The following STAM variants were observed in gnomAD, a reference collection of about 807,000 sequenced individuals.
The protein encoded by STAM is signal transducing adaptor molecule.
Under a neutral mutation model 63.4 loss-of-function variants are expected in STAM, and 16 were observed. The observed-to-expected ratio is 0.25, with a 90% CI of 0.17 to 0.38. STAM has a LOEUF of 0.38. STAM is among the 10% of genes least tolerant of loss of function. STAM has a pLI of 1.00. For missense variants in STAM, 636 were observed against 657.1 expected (o/e 0.97, Z 0.35); for synonymous variants, 238 against 223.9 (o/e 1.06, Z -0.56).
intron 2 of STAM, among the ~76,000 whole-genome samples, chr10:17,667,980 A>G (rs1318258474): frequency 3.3e-5 from 5 of 152,212 alleles, no homozygotes. Flanking sequence ...GGAAGGTAGG[A>G]TCCTTTAAAT....
chr10:17,705,113 A>G, intron 11 of STAM, 89 bp downstream of exon 11: 1 of 1,087,148 alleles, frequency 9.2e-7, no homozygotes, highest in Non-Finnish European at 1.4e-6. Context: ...GCCTTTTAAA[A>G]AAAAAATATT....
At chr10:17,674,761 GA>G (rs767640990) in intron 2 of STAM, among the ~76,000 whole-genome samples, 2 of 152,142 alleles carry the variant, frequency 1.3e-5, no homozygotes, top group Non-Finnish European at 2.9e-5. Flanking sequence ...CATGTCAAAG[GA>G]ATTATTATCA....
chr10:17,705,252 T>G (rs1459020403), intron 11 of STAM, among the ~76,000 whole-genome samples: 3 of 152,158 alleles, frequency 2.0e-5, no homozygotes, highest in Admixed American at 2.0e-4. Context: ...CGTAGATAGG[T>G]CGTTTTAAAA....
chr10:17,693,401 A>G (rs372479341), intron 6 of STAM, 89 bp downstream of exon 6: 155 of 1,122,762 alleles, frequency 1.4e-4, no homozygotes, highest in African/African-American at 3.9e-4. Context: ...AGAACTTTAT[A>G]GCAAAAAGCT....
chr10:17,669,071 A>G (rs1554823745), intron 2 of STAM, among the ~76,000 whole-genome samples: 1 of 152,202 alleles, frequency 6.6e-6, no homozygotes, highest in Non-Finnish European at 1.5e-5. Context: ...TGTTTTTTAC[A>G]TTCAAGTCTT....
At chr10:17,666,747 T>C (rs1834404355) in intron 2 of STAM, among the ~76,000 whole-genome samples, 1 of 152,160 alleles carries the variant, frequency 6.6e-6, no homozygotes, top group African/African-American at 2.4e-5. Context: ...ATTTCCGGCC[T>C]TCAGTAGGAA....
Position 17,708,800 on chromosome 10 carries a change from G to C in STAM, c.1234G>C (p.Gly412Arg), listed in dbSNP as rs782534017. 1 of 1,613,712 alleles carries C rather than the reference G, an allele frequency of 6.2e-7. No individual in the cohort carries two copies. Reference protein sequence around the residue: ...SQVYAGPPPSGAYLVAGNAQM... With the variant: ...SQVYAGPPPSRAYLVAGNAQM... The stretch of plus-strand genomic sequence containing the variant: ...GGTGTATGCAGGGCCTCCTCCAAGT[G>C]GTGCCTACCTGGTTGCAGGGAACGC... Residue 412 changes from glycine (G) to arginine (R), a missense_variant, in exon 13 of 14, where the codon GGT (glycine) becomes CGT (arginine). Physicochemically the swap from Gly to Arg is moderately radical, Grantham distance 125 (BLOSUM62 -2). Around this residue, in one of 3 missense-constraint regions of STAM, gnomAD observed 532 missense variants for 536.9 expected, o/e 0.99. Transcript: ENST00000377524.
chr10:17,668,199 G>A (rs1834477259), intron 2 of STAM, among the ~76,000 whole-genome samples: 1 of 152,112 alleles, frequency 6.6e-6, no homozygotes, highest in Admixed American at 6.6e-5. Context: ...ACAGGTGAAG[G>A]GGCATTTGAG....
intron 4 of STAM, 146 bp downstream of exon 4, chr10:17,685,073 G>T: frequency 1.7e-6 from 1 of 583,668 alleles, no homozygotes. Flanking sequence ...TAAATATTAT[G>T]TTTTGTTGAA....
chr10:17,645,267 A>G (rs1249870761), intron 1 of STAM, among the ~76,000 whole-genome samples: 2 of 152,212 alleles, frequency 1.3e-5, no homozygotes, highest in Non-Finnish European at 2.9e-5. Context: ...GCCAAATACC[A>G]TTTCCAAATC....
In STAM at chr10:17,708,972, T is replaced by C. The variant is rs782507726; in HGVS notation, c.1385+21T>C. On this transcript the variant is annotated intron_variant, in intron 13 of 13. Coordinates refer to ENST00000377524, the MANE Select transcript of STAM (RefSeq NM_003473.4). ...CCAAAGTAATTTTACTGTTGATTCT[T>C]GTTTGGAGTTAGTGCTGTTACAGCT... is the stretch of plus-strand genomic sequence containing the variant. 4 of 1,609,944 alleles carry C rather than the reference T, an allele frequency of 2.5e-6. No individual in the cohort carries two copies. In the South Asian group the frequency reaches 4.4e-5, roughly 18 times the overall value.
chr10:17,671,849 A>G, intron 2 of STAM, among the ~76,000 whole-genome samples: 1 of 152,194 alleles, frequency 6.6e-6, no homozygotes, highest in East Asian at 1.9e-4. Context: ...AAGAGGTGAT[A>G]TCCTCATTTT....
chr10:17,685,420 G>C (rs1326845165), intron 4 of STAM, among the ~76,000 whole-genome samples: 1 of 152,188 alleles, frequency 6.6e-6, no homozygotes, highest in Non-Finnish European at 1.5e-5. Context: ...GGTGGCGGGG[G>C]AGTTTCCACA....
chr10:17,699,187 AG>A (rs1180017717), intron 8 of STAM, among the ~76,000 whole-genome samples: 1 of 152,186 alleles, frequency 6.6e-6, no homozygotes, highest in East Asian at 1.9e-4. Flanking sequence ...CTTTTACAAA[AG>A]TTTTTAATCT....
At chr10:17,705,093 G>A (rs1443207295) in intron 11 of STAM, 69 bp downstream of exon 11, 10 of 1,338,686 alleles carry the variant, frequency 7.5e-6, no homozygotes, top group Non-Finnish European at 1.1e-5. Flanking sequence ...CTGCAAAGTG[G>A]GCTATAACTG....
At chr10:17,706,817 A>G (rs183952481) in intron 12 of STAM, among the ~76,000 whole-genome samples, 40 of 152,342 alleles carry the variant, frequency 2.6e-4, no homozygotes, top group African/African-American at 9.1e-4. Context: ...AAAAACACAA[A>G]ATGCTTTTAG....
At chr10:17,688,621 C>T (rs1257357757) in intron 5 of STAM, among the ~76,000 whole-genome samples, 1 of 151,010 alleles carries the variant, frequency 6.6e-6, no homozygotes, top group Non-Finnish European at 1.5e-5. Flanking sequence ...TGCAGCCAGA[C>T]CTGGAAATTT....
intron 9 of STAM, among the ~76,000 whole-genome samples, chr10:17,701,148 G>C (rs1186076750): frequency 3.3e-5 from 5 of 152,086 alleles, no homozygotes; most frequent in African/African-American, 9.7e-5. Context: ...ATTTAAATTT[G>C]AGATTTCTTG....
intron 2 of STAM, among the ~76,000 whole-genome samples, chr10:17,667,287 C>T (rs1008370681): frequency 2.6e-5 from 4 of 152,004 alleles, no homozygotes; most frequent in Non-Finnish European, 2.9e-5. Context: ...CCACCATGCC[C>T]GGCTATTTTG....
Sources: gnomAD v4.1 joint callset for allele counts (sites outside exome capture counted in the v4.1 genomes callset) on GRCh38, gnomAD v4.1.1 for gene constraint, gnomAD v4.1.1 regional missense constraint, MANE v1.5 for transcripts, NCBI Gene and HGNC (gene_info 2026-07-23, HGNC 2026-07-21) for gene names.